The following COL20A1 variants were observed in gnomAD, a reference collection of about 807,000 sequenced individuals.
COL20A1 encodes collagen type XX alpha 1 chain.
Under a neutral mutation model 152.9 loss-of-function variants are expected in COL20A1, and 164 were observed. That is an observed-to-expected ratio of 1.07 (90% CI 0.94 to 1.22). The LOEUF (loss-of-function observed/expected upper bound fraction) is 1.22, where lower values mean the gene tolerates loss of function less well. Among genes scored for constraint, COL20A1 ranks in the 50% most tolerant of loss-of-function variants. COL20A1 has a pLI of 0.00. For missense variants in COL20A1, 1,873 were observed against 1,744.8 expected (o/e 1.07, Z -1.31); for synonymous variants, 864 against 756.0 (o/e 1.14, Z -2.34).
In COL20A1 at chr20:63,313,623, G is replaced by T; in HGVS notation, c.2210-120G>T. 2 of 963,448 alleles carry T rather than the reference G, an allele frequency of 2.1e-6. No individual in the cohort carries two copies. Among genetic ancestry groups the T allele is most frequent in the East Asian group, 5.3e-5 (2 of 37,592 alleles). The allele number at this position is 963,448 out of a possible 1,614,324, so 59.7% of individuals were successfully genotyped here. ...TGATGCGGGCTGTGGTAGGGGTGTG[G>T]CATGATGTGGTGGAGGCATTACGCA... On this transcript the variant is annotated intron_variant, in intron 17 of 35. Coordinates refer to ENST00000358894, the MANE Select transcript of COL20A1 (RefSeq NM_020882.4). The surrounding 1 kb of genome is among the most constrained non-coding windows in gnomAD (Gnocchi z 5.9).
At chr20:63,326,635 A>G in intron 30 of COL20A1, 117 bp from the exon 31 acceptor site, 1 of 632,970 alleles carries the variant, frequency 1.6e-6, no homozygotes, top group Non-Finnish European at 2.6e-6. Context: ...GGGGCCAGCC[A>G]GGCATCCACC....
Position 63,311,829 on chromosome 20 carries a change from C to T in COL20A1, c.1663+81C>T. The T allele has an allele frequency of 6.6e-7, 1 of 1,519,198 alleles. No individual in the cohort carries two copies. Among genetic ancestry groups the T allele is most frequent in the Non-Finnish European group, 8.8e-7 (1 of 1,136,218 alleles). The allele number at this position is 1,519,198 out of a possible 1,614,324, so 94.1% of individuals were successfully genotyped here. A position where few individuals can be genotyped will look rare whatever the true frequency, so the allele number is the denominator to read the frequency against. Reference sequence around the variant, plus strand: ...CAGCCTTCCATGGCATGGGAGACCTCAGGCCCCCTCGGTCCCAGCCACTGC... The same window carrying T: ...CAGCCTTCCATGGCATGGGAGACCTTAGGCCCCCTCGGTCCCAGCCACTGC... On this transcript the variant is annotated intron_variant, in intron 13 of 35. Transcript: ENST00000358894. The surrounding 1 kb of genome is among the most constrained non-coding windows in gnomAD (Gnocchi z 4.4).
chr20:63,305,545 C>G lies in COL20A1; in HGVS notation c.322C>G (p.Arg108Gly), dbSNP rs763041446. The G allele has an allele frequency of 1.2e-6, 2 of 1,600,248 alleles. No individual in the cohort carries two copies. Among genetic ancestry groups the G allele is most frequent in the Admixed American group, 1.7e-5 (1 of 57,446 alleles). The change falls in exon 4 of 36, where the codon CGG becomes GGG. Residue 108 changes from arginine to glycine, a missense_variant. Transcript: ENST00000358894. The surrounding 1 kb of genome is among the most constrained non-coding windows in gnomAD (Gnocchi z 4.9). ...TGGCTCTGGGCGCTTCCTGCTAGCTCGGAGGGAGTTTGTGAGTAAGTCCAC... is the reference window on the plus strand; with the variant it reads ...TGGCTCTGGGCGCTTCCTGCTAGCTGGGAGGGAGTTTGTGAGTAAGTCCAC... The part of the protein sequence containing the change: ...LTGSGRFLLA[R>G]REFVIEDLKS...
rs911169853 is a variant in COL20A1, at chr20:63,325,700, A to G, written c.3381A>G (p.Arg1127=). 1 of 1,611,526 alleles carries G rather than the reference A, an allele frequency of 6.2e-7. No individual in the cohort carries two copies. The highest frequency in any genetic ancestry group is 1.1e-5 in the South Asian group (1 of 90,968). The change falls in exon 29 of 36, where the codon AGA becomes AGG. Residue 1127 remains arginine (R), a synonymous_variant. Coordinates refer to ENST00000358894, the MANE Select transcript of COL20A1 (RefSeq NM_020882.4). ...CCGGCCACCAGGGCATCCCCGGGAG[A>G]GTTGGCCTCCAGGGACCAAAGGTGC... is the stretch of plus-strand genomic sequence containing the variant. ...GHPGHQGIPG[R]VGLQGPKGMR...
intron 21 of COL20A1, among the ~76,000 whole-genome samples, chr20:63,317,399 G>C (rs2068098063): frequency 6.6e-6 from 1 of 151,102 alleles, no homozygotes; most frequent in South Asian, 2.1e-4. Flanking sequence ...AGGAGACGGA[G>C]GCTGCAGTGA....
In COL20A1 at chr20:63,315,454, C is replaced by T. The variant is rs927808737; in HGVS notation, c.2524+15C>T. The stretch of plus-strand genomic sequence containing the variant: ...CTCCCTCCCAGGTGGGTCCTGCATG[C>T]CCTCCCCTGCCTGCCCACCCACAGT... On this transcript the variant is annotated intron_variant, in intron 20 of 35. Coordinates refer to ENST00000358894, the MANE Select transcript of COL20A1 (RefSeq NM_020882.4). 5 of 1,561,016 alleles carry T rather than the reference C, an allele frequency of 3.2e-6. No homozygotes were observed. Among genetic ancestry groups the T allele is most frequent in the Non-Finnish European group, 4.3e-6 (5 of 1,157,632 alleles).
In COL20A1 at chr20:63,308,071, G is replaced by C. The variant is rs769896596; in HGVS notation, c.756G>C (p.Lys252Asn). The change falls in exon 7 of 36, where the codon AAG becomes AAC. Residue 252 changes from lysine to asparagine, a missense_variant. By Grantham distance (94) the Lys-to-Asn change is moderately conservative (BLOSUM62 0). Transcript: ENST00000358894. ...VLAAVRRLRY[K>N]GGNTFTGLAL... ...CAGCTGTGCGCCGCCTCCGCTACAA[G>C]GGGGGGAACACGTTCACAGGTACGG... 6.8e-6 allele frequency: 11 copies of C among 1,611,030 alleles called. No homozygotes were observed. Among genetic ancestry groups the C allele is most frequent in the Non-Finnish European group, 9.3e-6 (11 of 1,179,314 alleles).
intron 20 of COL20A1, among the ~76,000 whole-genome samples, chr20:63,315,747 A>G (rs1021124862): frequency 1.3e-5 from 2 of 152,032 alleles, no homozygotes; most frequent in African/African-American, 2.4e-5. Context: ...GGGGGTTTCA[A>G]GTGCTGAGCC....
chr20:63,310,900 A>G (rs943813373), intron 11 of COL20A1, among the ~76,000 whole-genome samples: 3 of 152,094 alleles, frequency 2.0e-5, no homozygotes, highest in African/African-American at 7.2e-5. Context: ...CACACCATAC[A>G]ACCTGCCCAT....
intron 3 of COL20A1, among the ~76,000 whole-genome samples, chr20:63,300,249 T>C (rs1202556913): frequency 6.6e-6 from 1 of 152,206 alleles, no homozygotes; most frequent in African/African-American, 2.4e-5. Flanking sequence ...GGATTCCTCT[T>C]ATTCTGTTTT....
chr20:63,326,747 T>C lies in COL20A1; in HGVS notation c.3457-5T>C. On this transcript the variant is annotated splice_region_variant and splice_polypyrimidine_tract_variant and intron_variant, in intron 30 of 35. Coordinates refer to ENST00000358894, the MANE Select transcript of COL20A1 (RefSeq NM_020882.4). ...AGCCAAACCCTGACTTCTGTGTCTA[T>C]GCAGGGGTTCCAGGGCATGGCAGGG... 6.9e-7 allele frequency: 1 copy of C among 1,456,640 alleles called. No homozygotes were observed. The highest frequency in any genetic ancestry group is 9.0e-7 in the Non-Finnish European group (1 of 1,109,512). 90.2% of individuals were successfully genotyped at this position (1,456,640 alleles called of 1,614,324 possible).
Position 63,311,789 on chromosome 20 carries a change from C to A in COL20A1, c.1663+41C>A. On this transcript the variant is annotated intron_variant, in intron 13 of 35. Coordinates refer to ENST00000358894, the MANE Select transcript of COL20A1 (RefSeq NM_020882.4). The surrounding 1 kb of genome is among the most constrained non-coding windows in gnomAD (Gnocchi z 4.4). ...CCGGCTGCCTGCCCACAGGCGGGTG[C>A]CCCATCTTGTTCCTCAGCCTTCCAT... is the stretch of plus-strand genomic sequence containing the variant. 6.4e-7 allele frequency: 1 copy of A among 1,555,226 alleles called. No individual in the cohort carries two copies. The highest frequency in any genetic ancestry group is 1.9e-5 in the Admixed American group (1 of 53,810).
chr20:63,307,514 C>G lies in COL20A1; in HGVS notation c.521C>G (p.Pro174Arg). The G allele has an allele frequency of 6.2e-7, 1 of 1,612,296 alleles. No individual in the cohort carries two copies. The highest frequency in any genetic ancestry group is 1.1e-5 in the South Asian group (1 of 91,072). ...GCCGGCCCCCAGTTCCGCTGCCTGC[C>G]CCCCGTGCCTGCTGACATGGTCTTC... ...TPAGPQFRCLPPVPADMVFLV... is the reference protein window; with the variant it reads ...TPAGPQFRCLRPVPADMVFLV... The change falls in exon 6 of 36, where the codon CCC (proline) becomes CGC (arginine). Residue 174 changes from proline (P) to arginine (R), a missense_variant. By Grantham distance (103) the Pro-to-Arg change is moderately radical (BLOSUM62 -2). Transcript: ENST00000358894.
At chr20:63,312,709 G>A (rs1301880782) in intron 15 of COL20A1, 83 bp from the exon 16 acceptor site, 20 of 1,468,526 alleles carry the variant, frequency 1.4e-5, no homozygotes, top group Non-Finnish European at 1.6e-5. Context: ...GGGGTATAGG[G>A]TGCTCCTGGG....
rs377280818 is a variant in COL20A1 at position 63,326,169 on chromosome 20, G to A, written c.3456+20G>A. Reference sequence around the variant, plus strand: ...CCCAGGGTAGGCACCGACCTCCCATGACCCCGACCCCCACCCAGGGTTCCT... The same window carrying A: ...CCCAGGGTAGGCACCGACCTCCCATAACCCCGACCCCCACCCAGGGTTCCT... On this transcript the variant is annotated intron_variant, in intron 30 of 35. Transcript: ENST00000358894. 1.9e-6 allele frequency: 3 copies of A among 1,596,022 alleles called. No homozygotes were observed. Among genetic ancestry groups the A allele is most frequent in the African/African-American group, 1.3e-5 (1 of 74,564 alleles).
chr20:63,320,919 T>G, intron 25 of COL20A1, 94 bp from the exon 26 acceptor site: 1 of 968,812 alleles, frequency 1.0e-6, no homozygotes, highest in Non-Finnish European at 1.6e-6. Flanking sequence ...GAAGTCTCCC[T>G]GGAGCCCAGG....
chr20:63,325,598 C>A, intron 28 of COL20A1, 70 bp from the exon 29 acceptor site: 2 of 1,558,364 alleles, frequency 1.3e-6, no homozygotes, highest in East Asian at 2.3e-5. Context: ...GGGGGTGAGG[C>A]CTCACAGGCA....
At position 63,326,120 on chromosome 20, in the gene COL20A1, G is replaced by T. The variant is rs780974670; in HGVS notation, c.3427G>T (p.Ala1143Ser). 6.2e-7 allele frequency: 1 copy of T among 1,612,726 alleles called. No homozygotes were observed. Among genetic ancestry groups the T allele is most frequent in the South Asian group, 1.1e-5 (1 of 91,074 alleles). Residue 1143 changes from alanine to serine, a missense_variant, in exon 30 of 36, where the codon GCT (alanine) becomes TCT (serine). Ala to Ser is a moderately conservative substitution (Grantham distance 99). Transcript: ENST00000358894. ...PKGMRGLEGT[A>S]GLPGPPGPRG... is the part of the protein sequence containing the mutation. Reference sequence around the variant, plus strand: ...GGGAATGAGAGGCCTGGAGGGAACTGCTGGCCTGCCTGGACCCCCTGGCCC... The same window carrying T: ...GGGAATGAGAGGCCTGGAGGGAACTTCTGGCCTGCCTGGACCCCCTGGCCC...
Position 63,305,826 on chromosome 20 carries a change from C to T in COL20A1, c.338-55C>T. 3.2e-6 allele frequency: 5 copies of T among 1,552,040 alleles called. No individual in the cohort carries two copies. Among genetic ancestry groups the T allele is most frequent in the Non-Finnish European group, 4.4e-6 (5 of 1,126,532 alleles). The stretch of plus-strand genomic sequence containing the variant: ...TTGAAGGGGTGTATGTGCAGCTGCC[C>T]CAGTGGACCAGGCCCTCCACTCCCA... On this transcript the variant is annotated intron_variant, in intron 4 of 35. Coordinates refer to ENST00000358894, the MANE Select transcript of COL20A1 (RefSeq NM_020882.4). This position sits in a 1 kb window ranked among gnomAD's most constrained non-coding sequence, Gnocchi z 4.9.
Sources: gnomAD v4.1 joint callset for allele counts (sites outside exome capture counted in the v4.1 genomes callset) on GRCh38, gnomAD v4.1.1 for gene constraint, Gnocchi (gnomAD v3.1) non-coding constraint, MANE v1.5 for transcripts, NCBI Gene and HGNC (gene_info 2026-07-23, HGNC 2026-07-21) for gene names.